The following SFXN4 variants were observed in gnomAD, a reference collection of about 807,000 sequenced individuals.
The protein encoded by SFXN4 is sideroflexin 4, also known as sideroflexin-4.
A neutral mutation model predicts 54.6 loss-of-function variants in SFXN4; 48 were observed. The ratio of observed to expected loss-of-function variants is 0.88; its 90% confidence interval spans 0.70 to 1.12. The LOEUF is 1.12. SFXN4 is among the 50% of genes most tolerant of loss of function. The probability of loss-of-function intolerance (pLI) is 0.00; values close to 1 mark genes in which losing one functional copy is unlikely to be tolerated. For missense variants in SFXN4, 383 were observed against 409.2 expected, an observed-to-expected ratio of 0.94 and a Z score of 0.55; for synonymous variants, 130 against 145.5, an observed-to-expected ratio of 0.89 and a Z score of 0.77.
intron 12 of SFXN4, 101 bp from the exon 13 acceptor site, chr10:119,146,454 T>TGCGCAC (rs1846807257): frequency 5.3e-6 from 3 of 561,058 alleles, no homozygotes; most frequent in Non-Finnish European, 9.4e-6. Context: ...TGTGTGTGTG[T>TGCGCAC]GTGTGTGCAC....
intron 11 of SFXN4, among the ~76,000 whole-genome samples, chr10:119,153,547 C>T (rs1847159708): frequency 6.6e-6 from 1 of 152,132 alleles, no homozygotes; most frequent in South Asian, 2.1e-4. Context: ...CAAAAGTAGT[C>T]CTTAGCAATG....
At chr10:119,147,020 T>A (rs7079245) in intron 12 of SFXN4, among the ~76,000 whole-genome samples, 28,603 of 152,130 alleles carry the variant, frequency 0.19, 2,904 homozygotes, top group Admixed American at 0.25. Flanking sequence ...GGGAAGACAT[T>A]CCTGCCTCCC....
At chr10:119,154,365 A>C (rs911433489) in intron 11 of SFXN4, among the ~76,000 whole-genome samples, 1 of 152,032 alleles carries the variant, frequency 6.6e-6, no homozygotes, top group Non-Finnish European at 1.5e-5. Context: ...CAATTGTGTA[A>C]GCCAATTCCT....
chr10:119,144,329 C>A (rs984885051), intron 13 of SFXN4, among the ~76,000 whole-genome samples: 1 of 151,868 alleles, frequency 6.6e-6, no homozygotes, highest in Non-Finnish European at 1.5e-5. Context: ...TGGTGGCGGG[C>A]GCCTGTAGTC....
At chr10:119,155,324 C>G (rs2092695067) in intron 10 of SFXN4, 147 bp from the exon 11 acceptor site, 2 of 617,546 alleles carry the variant, frequency 3.2e-6, no homozygotes, top group South Asian at 3.8e-5. Context: ...CTGCCATAGG[C>G]TGGGCCAACC....
At chr10:119,162,640 T>C (rs1847602401) in intron 2 of SFXN4, among the ~76,000 whole-genome samples, 1 of 152,104 alleles carries the variant, frequency 6.6e-6, no homozygotes, top group African/African-American at 2.4e-5. Context: ...CCCCCAATGG[T>C]GCTGTCACCT....
intron 6 of SFXN4, among the ~76,000 whole-genome samples, chr10:119,158,615 C>CAAAAAAAA (rs35982987): frequency 1.5e-5 from 1 of 65,700 alleles, no homozygotes; most frequent in Non-Finnish European, 2.6e-5. Context: ...GACTCCGTCT[C>CAAAAAAAA]AAAAAAAAAA....
At chr10:119,142,794 C>T (rs527652441) in intron 13 of SFXN4, among the ~76,000 whole-genome samples, 160 of 146,092 alleles carry the variant, frequency 1.1e-3, no homozygotes, top group African/African-American at 3.8e-3. Flanking sequence ...TGCAGTGGCG[C>T]GATCTCGGCT....
intron 12 of SFXN4, among the ~76,000 whole-genome samples, chr10:119,146,937 G>T (rs183863587): frequency 3.9e-5 from 6 of 152,228 alleles, no homozygotes; most frequent in East Asian, 1.9e-4. Context: ...CCACACTGGT[G>T]GGGGGGATGT....
chr10:119,153,433 AAAG>A (rs1479928755), intron 11 of SFXN4, among the ~76,000 whole-genome samples: 3 of 151,858 alleles, frequency 2.0e-5, no homozygotes, highest in South Asian at 2.1e-4. Flanking sequence ...AAAGAAAAAG[AAAG>A]AAGAAGAAAA....
intron 11 of SFXN4, among the ~76,000 whole-genome samples, chr10:119,153,171 G>A (rs1178158286): frequency 1.3e-5 from 2 of 152,078 alleles, no homozygotes; most frequent in Non-Finnish European, 2.9e-5. Flanking sequence ...AGCACTTTGG[G>A]AGGCCAAGGT....
intron 13 of SFXN4, among the ~76,000 whole-genome samples, chr10:119,144,940 T>A (rs2133569137): frequency 6.6e-6 from 1 of 152,242 alleles, no homozygotes; most frequent in Middle Eastern, 3.4e-3. Context: ...GGAGAGGGCG[T>A]AGTTATAGAA....
chr10:119,154,246 G>A (rs1847188468), intron 11 of SFXN4, among the ~76,000 whole-genome samples: 1 of 152,020 alleles, frequency 6.6e-6, no homozygotes, highest in African/African-American at 2.4e-5. Context: ...TCAGTTAGAG[G>A]CCTTATAGGC....
chr10:119,143,160 C>T (rs1225111493), intron 13 of SFXN4, among the ~76,000 whole-genome samples: 1 of 152,150 alleles, frequency 6.6e-6, no homozygotes, highest in African/African-American at 2.4e-5. Context: ...CATGACTTAC[C>T]TGCTGCCCTG....
intron 11 of SFXN4, among the ~76,000 whole-genome samples, chr10:119,154,573 T>A (rs1371838257): frequency 6.6e-6 from 1 of 152,158 alleles, no homozygotes; most frequent in Non-Finnish European, 1.5e-5. Flanking sequence ...GGCTCATGCC[T>A]GTAATCCTAG....
chr10:119,145,773 G>T (rs1304963775), intron 13 of SFXN4, among the ~76,000 whole-genome samples: 1 of 152,040 alleles, frequency 6.6e-6, no homozygotes, highest in Non-Finnish European at 1.5e-5. Flanking sequence ...GGTTATACTT[G>T]GATTTTTGAC....
chr10:119,141,349 T>C, intron 13 of SFXN4, 30 bp from the exon 14 acceptor site: 3 of 1,394,444 alleles, frequency 2.2e-6, no homozygotes, highest in Non-Finnish European at 3.0e-6. Flanking sequence ...ATAATGTTTC[T>C]ATTAATAGTT....
At chr10:119,150,116 C>T (rs77611598) in intron 11 of SFXN4, among the ~76,000 whole-genome samples, 4,711 of 152,084 alleles carry the variant, frequency 0.031, 243 homozygotes, top group African/African-American at 0.11. Context: ...TGCACAGTTG[C>T]AGACACTTTA....
chr10:119,144,183 G>A lies in SFXN4; in HGVS notation c.936+2053C>T, dbSNP rs1030741712. On this transcript the variant is annotated intron_variant, in intron 13 of 13. Coordinates refer to ENST00000355697, the MANE Select transcript of SFXN4 (RefSeq NM_213649.2). ...AAGAAACTGCTAGTATCAGCCGGGCGTGGTGGCTCACGCCTGTAATACCAG... is the reference window on the plus strand; with the variant it reads ...AAGAAACTGCTAGTATCAGCCGGGCATGGTGGCTCACGCCTGTAATACCAG... Among the ~76,000 whole-genome samples the A allele has an allele frequency of 1.3e-4, 20 of 152,280 alleles. No homozygotes were observed. The South Asian group carries it at 1.4e-3, about 11-fold the overall frequency.
Sources: gnomAD v4.1 joint callset for allele counts (sites outside exome capture counted in the v4.1 genomes callset) on GRCh38, gnomAD v4.1.1 for gene constraint, MANE v1.5 for transcripts, NCBI Gene and HGNC (gene_info 2026-07-23, HGNC 2026-07-21) for gene names.